The following UPP2 variants were observed in gnomAD, a reference collection of about 807,000 sequenced individuals.
UPP2 encodes the protein UPase 2.
UPP2 carries 23 observed loss-of-function variants against 26.7 expected under a neutral mutation model. That is an observed-to-expected ratio of 0.86 (90% CI 0.62 to 1.22). The LOEUF (loss-of-function observed/expected upper bound fraction) is 1.22. Among genes scored for constraint, UPP2 ranks in the 50% most tolerant of loss-of-function variants. UPP2 has a pLI of 0.00. For synonymous variants in UPP2, 127 were observed against 141.3 expected (o/e 0.90, Z 0.72); for missense variants, 387 against 396.7 (o/e 0.98, Z 0.21).
At chr2:158,130,868 AAG>A (rs1558943051) in intron 6 of UPP2, among the ~76,000 whole-genome samples, 1 of 152,192 alleles carries the variant, frequency 6.6e-6, no homozygotes, top group East Asian at 1.9e-4. Context: ...AATAAAGCCT[AAG>A]TATCTCTGAT....
chr2:158,129,775 T>TTG (rs1385653706), intron 6 of UPP2, among the ~76,000 whole-genome samples: 5 of 149,716 alleles, frequency 3.3e-5, no homozygotes, highest in Admixed American at 2.0e-4. Context: ...TTTTGTTTGT[T>TTG]TTTTTTTTGA....
intron 3 of UPP2, among the ~76,000 whole-genome samples, chr2:158,077,701 G>A (rs1439073025): frequency 6.6e-6 from 1 of 151,848 alleles, no homozygotes; most frequent in Non-Finnish European, 1.5e-5. Context: ...GAAAACATTG[G>A]GAAACATTGG....
At chr2:158,094,840 T>C (rs1186826168) in intron 3 of UPP2, among the ~76,000 whole-genome samples, 1 of 152,168 alleles carries the variant, frequency 6.6e-6, no homozygotes, top group Non-Finnish European at 1.5e-5. Flanking sequence ...TCACCCCCTC[T>C]CCCTTCAGTG....
intron 3 of UPP2, among the ~76,000 whole-genome samples, chr2:158,071,421 C>T (rs938171544): frequency 2.0e-5 from 3 of 151,896 alleles, no homozygotes; most frequent in Admixed American, 1.3e-4. Context: ...CATGGTGGCA[C>T]ATGCCTGTAA....
chr2:158,034,693 A>G (rs931168268), intron 3 of UPP2, among the ~76,000 whole-genome samples: 2 of 152,178 alleles, frequency 1.3e-5, no homozygotes, highest in African/African-American at 4.8e-5. Context: ...AGTGAATGAA[A>G]AGGAAGAGAT....
intron 3 of UPP2, among the ~76,000 whole-genome samples, chr2:158,089,377 G>T (rs543381539): frequency 6.6e-6 from 1 of 152,142 alleles, no homozygotes; most frequent in Non-Finnish European, 1.5e-5. Context: ...GGTAAGCAGG[G>T]CTGAGAACTT....
chr2:158,076,084 A>T (rs1220983437), intron 3 of UPP2, among the ~76,000 whole-genome samples: 1 of 151,926 alleles, frequency 6.6e-6, no homozygotes, highest in Non-Finnish European at 1.5e-5. Flanking sequence ...GAAGAAATAG[A>T]TAAATTCCTA....
intron 3 of UPP2, among the ~76,000 whole-genome samples, chr2:158,053,710 G>C (rs1030777036): frequency 6.6e-6 from 1 of 152,140 alleles, no homozygotes; most frequent in Non-Finnish European, 1.5e-5. Context: ...CTATAGATTA[G>C]GTTTTCCAGG....
chr2:158,014,362 C>T (rs540242168), intron 2 of UPP2, among the ~76,000 whole-genome samples: 68 of 152,336 alleles, frequency 4.5e-4, no homozygotes, highest in Non-Finnish European at 8.2e-4. Context: ...CAGAATCATT[C>T]AGGGAGCAGT....
chr2:158,106,437 T>C (rs1683197779), intron 2 of UPP2, among the ~76,000 whole-genome samples: 1 of 152,148 alleles, frequency 6.6e-6, no homozygotes, highest in African/African-American at 2.4e-5. Flanking sequence ...TGCAAACATG[T>C]TATTTGGCTA....
chr2:158,001,149 G>A (rs1051953588), intron 2 of UPP2, among the ~76,000 whole-genome samples: 8 of 152,212 alleles, frequency 5.3e-5, no homozygotes, highest in African/African-American at 1.9e-4. Flanking sequence ...TTTCTCAAAT[G>A]CACCTGTTTC....
intron 3 of UPP2, among the ~76,000 whole-genome samples, chr2:158,044,733 A>T (rs1684127055): frequency 6.6e-6 from 1 of 152,232 alleles, no homozygotes; most frequent in Non-Finnish European, 1.5e-5. Context: ...GCGTGGGAAC[A>T]CAGGAAAAGC....
At chr2:158,086,727 C>T (rs1002097132) in intron 3 of UPP2, among the ~76,000 whole-genome samples, 7 of 151,910 alleles carry the variant, frequency 4.6e-5, no homozygotes, top group African/African-American at 1.7e-4. Context: ...TTTTAATTTC[C>T]ATCTTGATTT....
chr2:158,061,803 C>T (rs1574269185), intron 3 of UPP2, among the ~76,000 whole-genome samples: 1 of 152,262 alleles, frequency 6.6e-6, no homozygotes, highest in East Asian at 1.9e-4. Context: ...CTATGTGTCT[C>T]AGTTGCACCT....
intron 2 of UPP2, among the ~76,000 whole-genome samples, chr2:158,113,870 C>G (rs184269933): frequency 4.3e-4 from 65 of 152,252 alleles, no homozygotes; most frequent in Non-Finnish European, 8.8e-5. Context: ...TTCTGCAATA[C>G]AGGAAAAGTA....
chr2:158,053,173 A>G (rs991741570), intron 3 of UPP2, among the ~76,000 whole-genome samples: 1 of 152,186 alleles, frequency 6.6e-6, no homozygotes, highest in Non-Finnish European at 1.5e-5. Flanking sequence ...GTGTGTGGTG[A>G]ATAACAATAG....
chr2:158,082,581 CG>C (rs942676614), intron 3 of UPP2, among the ~76,000 whole-genome samples: 3 of 152,018 alleles, frequency 2.0e-5, no homozygotes, highest in Non-Finnish European at 2.9e-5. Flanking sequence ...AAGACTTAAA[CG>C]TAAGACCTAA....
At chr2:158,114,435 G>A (rs755387451) in intron 2 of UPP2, among the ~76,000 whole-genome samples, 66 of 152,146 alleles carry the variant, frequency 4.3e-4, no homozygotes, top group Non-Finnish European at 3.8e-4. Flanking sequence ...ATTAGACACC[G>A]TTGACTGCAA....
chr2:158,037,081 G>A (rs578184598), intron 3 of UPP2, among the ~76,000 whole-genome samples: 2 of 152,174 alleles, frequency 1.3e-5, no homozygotes, highest in East Asian at 3.9e-4. Context: ...GGATAGAAAT[G>A]TAACAATCCT....
Sources: allele counts gnomAD v4.1 joint callset (sites outside exome capture counted in the v4.1 genomes callset), GRCh38; gene constraint gnomAD v4.1.1; transcripts MANE v1.5; gene names NCBI Gene and HGNC (gene_info 2026-07-23, HGNC 2026-07-21).